The following GSN variants were observed in gnomAD, a reference collection of about 807,000 sequenced individuals.
The protein encoded by GSN is gelsolin, also known as actin-depolymerizing factor.
A neutral mutation model predicts 85.7 loss-of-function variants in GSN; 56 were observed. The ratio of observed to expected loss-of-function variants is 0.65; its 90% confidence interval spans 0.53 to 0.82. The LOEUF (loss-of-function observed/expected upper bound fraction) is 0.82. Ranked by LOEUF, GSN falls within the 40% of genes least tolerant of loss-of-function variation. The pLI is 0.00. For synonymous variants in GSN, 373 were observed against 399.1 expected (o/e 0.93, Z 0.78); for missense variants, 857 against 979.8 (o/e 0.87, Z 1.67).
chr9:121,321,039 G>T (rs1681862099), intron 10 of GSN, among the ~76,000 whole-genome samples: 1 of 152,182 alleles, frequency 6.6e-6, no homozygotes, highest in Admixed American at 6.5e-5. Flanking sequence ...GACGGGCTGG[G>T]GCAGGGCATG....
At chr9:121,302,878 A>C (rs2060030786) in intron 3 of GSN, 33 bp from the exon 4 acceptor site, 1 of 1,611,596 alleles carries the variant, frequency 6.2e-7, no homozygotes, top group South Asian at 1.1e-5. Flanking sequence ...TACTTCTGGA[A>C]AGCCAGGCTC....
At chr9:121,287,245 G>T (rs1223703900) in intron 2 of GSN, among the ~76,000 whole-genome samples, 1 of 152,166 alleles carries the variant, frequency 6.6e-6, no homozygotes, top group Non-Finnish European at 1.5e-5. Flanking sequence ...AGGACAGGGG[G>T]AGGAGTGGGA....
chr9:121,318,575 C>T lies in GSN; in HGVS notation c.975+81C>T. ...GGGCTGGAGTAGGGCGGGTGTCCCA[C>T]CCTCAGTGTGGATGGGGTATCTGAG... On this transcript the variant is annotated intron_variant, in intron 9 of 17. Transcript: ENST00000432226. The surrounding 1 kb of genome is among the most constrained non-coding windows in gnomAD (Gnocchi z 4.3). The T allele has an allele frequency of 4.8e-6, 7 of 1,449,630 alleles. No individual in the cohort carries two copies. Among genetic ancestry groups the T allele is most frequent in the Non-Finnish European group, 6.8e-6 (7 of 1,030,228 alleles). 89.8% of individuals were successfully genotyped at this position (1,449,630 alleles called of 1,614,324 possible).
chr9:121,302,562 G>A (rs113336950), intron 3 of GSN, among the ~76,000 whole-genome samples: 7 of 151,986 alleles, frequency 4.6e-5, no homozygotes, highest in South Asian at 2.1e-4. Flanking sequence ...TCAGGAGCCC[G>A]GAGTCCCTGC....
intron 6 of GSN, among the ~76,000 whole-genome samples, chr9:121,255,285 C>T (rs1009707470): frequency 6.6e-6 from 1 of 152,166 alleles, no homozygotes; most frequent in South Asian, 2.1e-4. Flanking sequence ...GCTATGTCAC[C>T]CAGTCTAGAG....
chr9:121,219,827 G>C (rs1042155990), intron 4 of GSN, among the ~76,000 whole-genome samples: 2 of 151,822 alleles, frequency 1.3e-5, no homozygotes, highest in East Asian at 1.9e-4. Context: ...CTGCAAACCC[G>C]GTTGCATGAC....
At chr9:121,327,199 T>G in intron 13 of GSN, 109 bp from the exon 14 acceptor site, 1 of 933,972 alleles carries the variant, frequency 1.1e-6, no homozygotes, top group African/African-American at 1.6e-5. Flanking sequence ...GCTGTGTTCC[T>G]CCAAGTCCCC....
At chr9:121,328,797 G>A in intron 14 of GSN, 94 bp from the exon 15 acceptor site, 1 of 1,302,948 alleles carries the variant, frequency 7.7e-7, no homozygotes, top group Admixed American at 1.7e-5. Context: ...GAGAGCAGTT[G>A]GTTGCGCTTG....
At chr9:121,303,387 C>G (rs2060099807) in intron 4 of GSN, among the ~76,000 whole-genome samples, 2 of 152,154 alleles carry the variant, frequency 1.3e-5, no homozygotes, top group Non-Finnish European at 2.9e-5. Context: ...TCTTGCAGGC[C>G]CTGGGGGGCT....
At chr9:121,218,164 G>A (rs1363011278) in intron 4 of GSN, among the ~76,000 whole-genome samples, 1 of 152,176 alleles carries the variant, frequency 6.6e-6, no homozygotes, top group African/African-American at 2.4e-5. Flanking sequence ...TTGTCTGGCA[G>A]TCATTTAATA....
intron 2 of GSN, chr9:121,281,887 A>G (rs553650860): frequency 3.6e-5 from 17 of 471,290 alleles, no homozygotes; most frequent in African/African-American, 3.0e-4. Context: ...CTTGGTTGCT[A>G]TTCTGTAGAA....
intron 4 of GSN, among the ~76,000 whole-genome samples, chr9:121,224,290 G>A (rs2054230767): frequency 1.3e-5 from 2 of 151,664 alleles, no homozygotes; most frequent in South Asian, 2.1e-4. Context: ...TAGTAGAGAC[G>A]GGGTTTTACT....
chr9:121,221,049 A>G (rs1465981351), intron 4 of GSN, among the ~76,000 whole-genome samples: 1 of 152,212 alleles, frequency 6.6e-6, no homozygotes, highest in Non-Finnish European at 1.5e-5. Flanking sequence ...TTAAGCCTGG[A>G]TGGCAGACTC....
chr9:121,247,037 A>G (rs2054713661), intron 5 of GSN, among the ~76,000 whole-genome samples: 1 of 152,158 alleles, frequency 6.6e-6, no homozygotes, highest in Non-Finnish European at 1.5e-5. Flanking sequence ...TATATAGTTG[A>G]GTCAGGCCAG....
At chr9:121,319,817 T>G (rs778890903) in intron 10 of GSN, among the ~76,000 whole-genome samples, 1 of 152,156 alleles carries the variant, frequency 6.6e-6, no homozygotes, top group Non-Finnish European at 1.5e-5. Flanking sequence ...ATGATGACCT[T>G]GAGACTAAGA....
At chr9:121,223,617 T>A (rs1297800034) in intron 4 of GSN, among the ~76,000 whole-genome samples, 1 of 152,178 alleles carries the variant, frequency 6.6e-6, no homozygotes, top group Non-Finnish European at 1.5e-5. Flanking sequence ...TATGTCACTT[T>A]TTATAAGTAT....
In GSN at chr9:121,261,978, G is replaced by C. The variant is rs559794031; in HGVS notation, c.-340-3176G>C. On this transcript the variant is annotated intron_variant, in intron 6 of 24. Transcript: ENST00000373823. The surrounding 1 kb of genome is among the most constrained non-coding windows in gnomAD (Gnocchi z 4.1). ...CATCTCCAAGATTTTTTTGGTGTGG[G>C]TGTGTTTAAGGGATTTTATGAATTA... 6.6e-6 allele frequency among the ~76,000 whole-genome samples: 1 copy of C among 152,280 alleles called. No homozygotes were observed. Among genetic ancestry groups the C allele is most frequent in the East Asian group, 1.9e-4 (1 of 5,188 alleles).
At chr9:121,252,318 G>T (rs1588487019) in intron 6 of GSN, among the ~76,000 whole-genome samples, 3 of 152,322 alleles carry the variant, frequency 2.0e-5, no homozygotes, top group Admixed American at 2.0e-4. Context: ...ATGGTTCAAG[G>T]ACACGCTTGG....
rs368258490 is a variant in GSN, at chr9:121,317,076, G to A, written c.754-10G>A. 1.4e-5 allele frequency: 23 copies of A among 1,613,940 alleles called. No individual in the cohort carries two copies. Among genetic ancestry groups the A allele is most frequent in the East Asian group, 2.2e-5 (1 of 44,890 alleles). ...CTCATGTGCTGGTTCCTTCTGCTTCGTCCCCTCAGGTCTCCAATGGTGCAG... is the reference window on the plus strand; with the variant it reads ...CTCATGTGCTGGTTCCTTCTGCTTCATCCCCTCAGGTCTCCAATGGTGCAG... On this transcript the variant is annotated splice_polypyrimidine_tract_variant and intron_variant, in intron 7 of 17. Transcript: ENST00000432226.
Sources: allele counts gnomAD v4.1 joint callset (sites outside exome capture counted in the v4.1 genomes callset), GRCh38; gene constraint gnomAD v4.1.1; non-coding constraint Gnocchi (gnomAD v3.1); transcripts MANE v1.5; gene names NCBI Gene and HGNC (gene_info 2026-07-23, HGNC 2026-07-21).